FSTL5: variants seen among roughly 807,000 people sequenced by gnomAD.
FSTL5 encodes follistatin-related protein 5.
In FSTL5, 62 loss-of-function variants were observed where a neutral mutation model predicts 89.1. The observed-to-expected ratio is 0.70, with a 90% CI of 0.57 to 0.86. FSTL5 has a LOEUF of 0.86. FSTL5 is among the 40% of genes least tolerant of loss of function. The pLI is 0.00. For missense variants in FSTL5, 1,057 were observed against 1,001.6 expected, an observed-to-expected ratio of 1.06 and a Z score of -0.75; for synonymous variants, 383 against 346.2, an observed-to-expected ratio of 1.11 and a Z score of -1.18.
intron 3 of FSTL5, among the ~76,000 whole-genome samples, chr4:161,955,409 AAT>A (rs1735001985): frequency 6.6e-6 from 1 of 151,818 alleles, no homozygotes; most frequent in African/African-American, 2.4e-5. Flanking sequence ...AACAAAAAAA[AAT>A]GTTTTAAGTA....
At chr4:161,864,421 T>G (rs1732012869) in intron 4 of FSTL5, among the ~76,000 whole-genome samples, 1 of 152,150 alleles carries the variant, frequency 6.6e-6, no homozygotes, top group Non-Finnish European at 1.5e-5. Flanking sequence ...TCACAGGTTG[T>G]TGTGAGGATT....
chr4:161,447,427 G>T (rs1732984997), intron 15 of FSTL5, among the ~76,000 whole-genome samples: 1 of 152,064 alleles, frequency 6.6e-6, no homozygotes, highest in Admixed American at 6.6e-5. Context: ...GAAAAGAGGT[G>T]CAGGTCTATT....
At chr4:162,103,563 A>G (rs1290607263) in intron 2 of FSTL5, among the ~76,000 whole-genome samples, 1 of 152,220 alleles carries the variant, frequency 6.6e-6, no homozygotes, top group Non-Finnish European at 1.5e-5. Context: ...CTCTCTGTTC[A>G]AGGATGCTTA....
At chr4:161,452,245 G>C (rs1406574598) in intron 15 of FSTL5, among the ~76,000 whole-genome samples, 1 of 152,180 alleles carries the variant, frequency 6.6e-6, no homozygotes, top group African/African-American at 2.4e-5. Context: ...GGAGGCCAAG[G>C]TGGGTGGATC....
intron 3 of FSTL5, among the ~76,000 whole-genome samples, chr4:161,934,451 C>CA (rs1334150839): frequency 1.3e-5 from 2 of 151,492 alleles, no homozygotes; most frequent in Non-Finnish European, 2.9e-5. Context: ...AATAGTTTAT[C>CA]AAAAAAAATT....
At chr4:161,850,070 AC>A (rs1041540389) in intron 4 of FSTL5, among the ~76,000 whole-genome samples, 22 of 152,252 alleles carry the variant, frequency 1.4e-4, no homozygotes, top group African/African-American at 5.3e-4. Flanking sequence ...CAGTATTTAT[AC>A]CCTTTGAGGC....
chr4:161,589,410 T>C (rs1733730546), intron 7 of FSTL5, among the ~76,000 whole-genome samples: 1 of 152,098 alleles, frequency 6.6e-6, no homozygotes, highest in Admixed American at 6.6e-5. Flanking sequence ...CTCGAACTCC[T>C]GACCTCAGGT....
In FSTL5 at chr4:161,728,123, C is replaced by T. The variant is rs370458197; in HGVS notation, c.727+31288G>A. Among the ~76,000 whole-genome samples, 8 of 152,216 alleles carry T rather than the reference C, an allele frequency of 5.3e-5. No individual in the cohort carries two copies. In the South Asian group the frequency reaches 8.3e-4, roughly 16 times the overall value. On this transcript the variant is annotated intron_variant, in intron 6 of 15. Coordinates refer to ENST00000306100, the MANE Select transcript of FSTL5 (RefSeq NM_020116.5). ...GAATTCAGATGATAAGAAGTCTGAG[C>T]TTGATTCCCGGAGTAATACGGATCC...
intron 3 of FSTL5, among the ~76,000 whole-genome samples, chr4:162,007,872 T>C (rs1293901123): frequency 6.6e-6 from 1 of 151,836 alleles, no homozygotes; most frequent in Non-Finnish European, 1.5e-5. Context: ...ACATTATTCA[T>C]ATATATACAG....
chr4:161,419,465 A>C (rs187980092), intron 15 of FSTL5, among the ~76,000 whole-genome samples: 25 of 152,300 alleles, frequency 1.6e-4, no homozygotes, highest in Admixed American at 1.4e-3. Context: ...TAAAGAAAAG[A>C]GGTAAGTTTC....
intron 4 of FSTL5, among the ~76,000 whole-genome samples, chr4:161,892,879 T>A (rs1733031916): frequency 6.6e-6 from 1 of 152,144 alleles, no homozygotes; most frequent in Non-Finnish European, 1.5e-5. Context: ...ACAACTATTA[T>A]TCAAATAGTT....
chr4:161,478,627 C>T (rs926668703), intron 13 of FSTL5, among the ~76,000 whole-genome samples: 3 of 151,752 alleles, frequency 2.0e-5, no homozygotes, highest in Non-Finnish European at 2.9e-5. Context: ...TTAAATTGAA[C>T]ATGGAAAGAA....
chr4:161,393,978 T>C (rs1216148561), intron 15 of FSTL5, among the ~76,000 whole-genome samples: 1 of 152,156 alleles, frequency 6.6e-6, no homozygotes, highest in African/African-American at 2.4e-5. Context: ...CAAGTGTATC[T>C]GGGGATGGAA....
At chr4:161,972,512 C>G (rs774283427) in intron 3 of FSTL5, among the ~76,000 whole-genome samples, 1 of 152,120 alleles carries the variant, frequency 6.6e-6, no homozygotes, top group Non-Finnish European at 1.5e-5. Context: ...TGGAGTGACC[C>G]ATGTGGTAAG....
intron 8 of FSTL5, among the ~76,000 whole-genome samples, chr4:161,582,595 G>A (rs1733472943): frequency 1.3e-5 from 2 of 152,152 alleles, no homozygotes; most frequent in African/African-American, 4.8e-5. Context: ...AAAAGAGACA[G>A]TACCAATTTT....
At chr4:162,135,889 AT>A (rs1732502077) in intron 1 of FSTL5, among the ~76,000 whole-genome samples, 1 of 151,606 alleles carries the variant, frequency 6.6e-6, no homozygotes, top group Non-Finnish European at 1.5e-5. Flanking sequence ...AATCTCTTTC[AT>A]TTTTCTTTTG....
intron 3 of FSTL5, among the ~76,000 whole-genome samples, chr4:161,990,871 CT>C (rs1474403121): frequency 6.6e-6 from 1 of 152,088 alleles, no homozygotes; most frequent in East Asian, 1.9e-4. Flanking sequence ...CTGTGGAGAC[CT>C]AATCATGACT....
rs140179491 is a variant in FSTL5, at chr4:161,930,404, T to TA, written c.161-9753dup. Among the ~76,000 whole-genome samples the TA allele has an allele frequency of 0.013, 1,901 of 151,980 alleles. 103 individuals are homozygous for TA. In the East Asian group the frequency reaches 0.18, roughly 14 times the overall value. The stretch of plus-strand genomic sequence containing the variant: ...CTTCAACAAACTTTTGCACTGGAAA[T>TA]AAAGAGAACCTTATTTTCTAAGAAT... On this transcript the variant is annotated intron_variant, in intron 3 of 15. Coordinates refer to ENST00000306100, the MANE Select transcript of FSTL5 (RefSeq NM_020116.5).
At chr4:162,095,846 T>C (rs1730728835) in intron 2 of FSTL5, among the ~76,000 whole-genome samples, 1 of 151,968 alleles carries the variant, frequency 6.6e-6, no homozygotes, top group African/African-American at 2.4e-5. Flanking sequence ...TGTGTGTACT[T>C]AAAATACACA....
Sources: gnomAD v4.1 joint callset for allele counts (sites outside exome capture counted in the v4.1 genomes callset) on GRCh38, gnomAD v4.1.1 for gene constraint, MANE v1.5 for transcripts, NCBI Gene and HGNC (gene_info 2026-07-23, HGNC 2026-07-21) for gene names.